TCF21: variants seen among roughly 807,000 people sequenced by gnomAD.
TCF21 encodes the protein capsulin.
TCF21 carries 3 observed loss-of-function variants against 13.5 expected under a neutral mutation model. The ratio of observed to expected loss-of-function variants is 0.22; its 90% CI spans 0.10 to 0.57. TCF21 has a LOEUF of 0.57. TCF21 is among the 20% of genes least tolerant of loss of function. The probability of loss-of-function intolerance (pLI) is 0.92; values close to 1 mark genes in which losing one functional copy is unlikely to be tolerated. For synonymous variants in TCF21, 92 were observed against 101.7 expected (o/e 0.90, Z 0.57); for missense variants, 181 against 238.4 (o/e 0.76, Z 1.59).
Position 133,889,273 on chromosome 6 carries a change from G to A in TCF21, c.-125G>A. 1 of 1,250,800 alleles carries A rather than the reference G, an allele frequency of 8.0e-7. No individual in the cohort carries two copies. The highest frequency in any genetic ancestry group is 1.2e-6 in the Non-Finnish European group (1 of 867,142). 77.5% of individuals were successfully genotyped at this position (1,250,800 alleles called of 1,614,324 possible). On this transcript the variant is annotated 5_prime_UTR_variant, in exon 1 of 2. In the 5' UTR this introduces an upstream ATG that the reference lacks. Coordinates refer to ENST00000367882, the MANE Select transcript of TCF21 (RefSeq NM_003206.4). This position sits in a 1 kb window ranked among gnomAD's most constrained non-coding sequence, Gnocchi z 5.1. ...CCCCAACTCCAGCTCCCAGCAGGAG[G>A]TGGCTGCGCCACACTCGGGAGGCCT...
chr6:133,892,648 C>A (rs767540830), downstream of TCF21: 1 of 152,216 alleles, frequency 6.6e-6, no homozygotes, highest in Non-Finnish European at 1.5e-5. Flanking sequence ...GTGAGCATAG[C>A]TGCAAACTAG....
chr6:133,891,586 G>C (rs997966717), intron 1 of TCF21, 127 bp from the exon 2 acceptor site: 2 of 1,014,184 alleles, frequency 2.0e-6, no homozygotes, highest in African/African-American at 1.6e-5. Flanking sequence ...GTAAATTGCA[G>C]AGATAACCGG....
downstream of TCF21, chr6:133,894,967 G>A (rs1775278456): frequency 6.6e-6 from 1 of 151,986 alleles, no homozygotes; most frequent in South Asian, 2.1e-4. Flanking sequence ...CTCAGAAGCA[G>A]ACAGATATCC....
In TCF21 at chr6:133,892,005, C is replaced by A. The variant is rs1775227192; in HGVS notation, c.*203C>A. ...CAATTGTACTTACAAAGATTCCCAT[C>A]TATTTAACTTTATTAACTTCTACCG... On this transcript the variant is annotated 3_prime_UTR_variant, in exon 2 of 2. Transcript: ENST00000367882. 1.8e-6 allele frequency: 1 copy of A among 570,300 alleles called. No individual in the cohort carries two copies. Among genetic ancestry groups the A allele is most frequent in the Admixed American group, 3.0e-5 (1 of 32,976 alleles). 35.3% of individuals were successfully genotyped at this position (570,300 alleles called of 1,614,324 possible). A position where few individuals can be genotyped will look rare whatever the true frequency, so the allele number is the denominator to read the frequency against.
Position 133,889,752 on chromosome 6 carries a change from G to T in TCF21, c.355G>T (p.Asp119Tyr). 1 of 1,613,560 alleles carries T rather than the reference G, an allele frequency of 6.2e-7. No homozygotes were observed. Among genetic ancestry groups the T allele is most frequent in the Non-Finnish European group, 8.5e-7 (1 of 1,179,978 alleles). ...CCCCGACACCAAGCTCTCCAAGCTG[G>T]ACACGCTCAGGCTGGCGTCCAGCTA... ...VPPDTKLSKL[D>Y]TLRLASSYIA... Residue 119 changes from aspartate to tyrosine, a missense_variant, in exon 1 of 2, where the codon GAC (aspartate) becomes TAC (tyrosine). Coordinates refer to ENST00000367882, the MANE Select transcript of TCF21 (RefSeq NM_003206.4). The surrounding 1 kb of genome is among the most constrained non-coding windows in gnomAD (Gnocchi z 5.1).
rs1196624780 is a variant in TCF21, at chr6:133,891,751, C to A, written c.489C>A (p.Asp163Glu). 1 of 1,613,802 alleles carries A rather than the reference C, an allele frequency of 6.2e-7. No individual in the cohort carries two copies. Among genetic ancestry groups the A allele is most frequent in the Non-Finnish European group, 8.5e-7 (1 of 1,179,946 alleles). ...TGGTGGCCGGGAAACCCGAGAGTGA[C>A]CTGAAAGAAGTGGTGACCGCGAGCC... is the stretch of plus-strand genomic sequence containing the variant. ...PFMVAGKPESDLKEVVTASRL... is the reference protein window; with the variant it reads ...PFMVAGKPESELKEVVTASRL... Residue 163 changes from aspartate (D) to glutamate (E), a missense_variant, in exon 2 of 2, where the codon GAC becomes GAA. Transcript: ENST00000367882.
chr6:133,890,207 G>A (rs1359571528), intron 1 of TCF21, among the ~76,000 whole-genome samples: 2 of 152,210 alleles, frequency 1.3e-5, no homozygotes, highest in African/African-American at 4.8e-5. Flanking sequence ...CTGACAAGAC[G>A]CTGCGAGCGG....
chr6:133,891,415 G>T (rs1043979082), intron 1 of TCF21, among the ~76,000 whole-genome samples: 8 of 152,194 alleles, frequency 5.3e-5, no homozygotes, highest in Non-Finnish European at 7.3e-5. Context: ...CTCTCGGCTT[G>T]CCCGGGGCTT....
Position 133,889,407 on chromosome 6 carries a change from G to C in TCF21, c.10G>C (p.Gly4Arg), listed in dbSNP as rs1462464536. 1 of 1,613,310 alleles carries C rather than the reference G, an allele frequency of 6.2e-7. No homozygotes were observed. Among genetic ancestry groups the C allele is most frequent in the African/African-American group, 1.3e-5 (1 of 74,698 alleles). ...GTCCACTCCCCCAAACATGTCCACCGGCTCCCTCAGCGATGTGGAGGACCT... is the reference window on the plus strand; with the variant it reads ...GTCCACTCCCCCAAACATGTCCACCCGCTCCCTCAGCGATGTGGAGGACCT... The part of the protein sequence containing the change: MST[G>R]SLSDVEDLQE... The change falls in exon 1 of 2, where the codon GGC becomes CGC. Residue 4 changes from glycine (G) to arginine (R), a missense_variant. Transcript: ENST00000367882. The surrounding 1 kb of genome is among the most constrained non-coding windows in gnomAD (Gnocchi z 5.1).
chr6:133,891,917 C>A lies in TCF21; in HGVS notation c.*115C>A. ...CTTCCCCCTCGCAATGCTCCTCTCT[C>A]TGTCCCACCCCGCGAGAACACTTTA... is the stretch of plus-strand genomic sequence containing the variant. On this transcript the variant is annotated 3_prime_UTR_variant, in exon 2 of 2. Coordinates refer to ENST00000367882, the MANE Select transcript of TCF21 (RefSeq NM_003206.4). 1.9e-6 allele frequency: 2 copies of A among 1,047,232 alleles called. No homozygotes were observed. Among genetic ancestry groups the A allele is most frequent in the Non-Finnish European group, 1.4e-6 (1 of 713,508 alleles). 64.9% of individuals were successfully genotyped at this position (1,047,232 alleles called of 1,614,324 possible).
rs1445266366 is a variant in TCF21 at position 133,889,870 on chromosome 6, C to T, written c.450+23C>T. The T allele has an allele frequency of 6.2e-7, 1 of 1,612,154 alleles. No individual in the cohort carries two copies. ...CTGGTGAGTGCTCCCGGGGCTGCAG[C>T]TGCAGTCCAGGCGCGCCCGCACTCC... On this transcript the variant is annotated intron_variant, in intron 1 of 1. Coordinates refer to ENST00000367882, the MANE Select transcript of TCF21 (RefSeq NM_003206.4). This position sits in a 1 kb window ranked among gnomAD's most constrained non-coding sequence, Gnocchi z 5.1.
downstream of TCF21, chr6:133,893,321 C>T (rs1775251490): frequency 6.6e-6 from 1 of 152,392 alleles, no homozygotes; most frequent in Non-Finnish European, 1.5e-5. Context: ...GACCTCATTA[C>T]CAAGGGGTGG....
rs987959865 is a variant in TCF21 at position 133,892,121 on chromosome 6, A to C, written c.*319A>C. ...GAGCCTATCAATGTATCTTTTGTACAATATGTTGTAAAATGTAGATCATAG... is the reference window on the plus strand; with the variant it reads ...GAGCCTATCAATGTATCTTTTGTACCATATGTTGTAAAATGTAGATCATAG... On this transcript the variant is annotated 3_prime_UTR_variant, in exon 2 of 2. Transcript: ENST00000367882. 4.7e-5 allele frequency: 10 copies of C among 213,532 alleles called. No individual in the cohort carries two copies. Among genetic ancestry groups the C allele is most frequent in the Middle Eastern group, 1.8e-3 (1 of 556 alleles). The allele number at this position is 213,532 out of a possible 1,614,324, so 13.2% of individuals were successfully genotyped here. A position where few individuals can be genotyped will look rare whatever the true frequency, so the allele number is the denominator to read the frequency against.
At chr6:133,893,429 T>A (rs988960886), downstream of TCF21, 2 of 152,274 alleles carry the variant, frequency 1.3e-5, no homozygotes, top group African/African-American at 4.8e-5. Flanking sequence ...CTTTTCAAGA[T>A]GTCAGGATAC....
intron 1 of TCF21, among the ~76,000 whole-genome samples, chr6:133,890,837 T>A (rs906580977): frequency 3.3e-5 from 5 of 152,186 alleles, no homozygotes; most frequent in African/African-American, 1.2e-4. Flanking sequence ...CCGAATTGGT[T>A]TCTGGAATTG....
chr6:133,893,073 T>C (rs1255102944), downstream of TCF21: 1 of 152,276 alleles, frequency 6.6e-6, no homozygotes, highest in Non-Finnish European at 1.5e-5. Flanking sequence ...TTATTTATAC[T>C]GTTATTCCTC....
downstream of TCF21, chr6:133,892,757 T>C (rs753824780): frequency 1.4e-4 from 21 of 152,268 alleles, no homozygotes; most frequent in Non-Finnish European, 3.1e-4. Context: ...TCTACATTTC[T>C]TATTAATAGT....
intron 1 of TCF21, among the ~76,000 whole-genome samples, chr6:133,890,384 C>G (rs1218709092): frequency 1.3e-5 from 2 of 152,268 alleles, no homozygotes; most frequent in African/African-American, 4.8e-5. Flanking sequence ...AGCCCTTAAC[C>G]GCTTAAATAT....
chr6:133,891,178 G>A (rs965100785), intron 1 of TCF21, among the ~76,000 whole-genome samples: 1 of 152,192 alleles, frequency 6.6e-6, no homozygotes, highest in African/African-American at 2.4e-5. Flanking sequence ...AGTCAAAGCC[G>A]GTGTTTGCGA....
Sources: gnomAD v4.1 joint callset for allele counts (sites outside exome capture counted in the v4.1 genomes callset) on GRCh38, gnomAD v4.1.1 for gene constraint, Gnocchi (gnomAD v3.1) non-coding constraint, MANE v1.5 for transcripts, NCBI Gene and HGNC (gene_info 2026-07-23, HGNC 2026-07-21) for gene names.